SHOC2: variants seen among roughly 807,000 people sequenced by gnomAD.
The protein encoded by SHOC2 is SHOC2 leucine rich repeat scaffold protein.
In SHOC2, 4 loss-of-function variants were observed where a neutral mutation model predicts 50.2. That is an observed-to-expected ratio of 0.08 (90% CI 0.04 to 0.18). The LOEUF is 0.18. SHOC2 is among the 10% of genes least tolerant of loss of function. The pLI is 1.00. For missense variants in SHOC2, 388 were observed against 669.6 expected (o/e 0.58, Z 4.64); for synonymous variants, 218 against 244.5 (o/e 0.89, Z 1.01).
rs1370271355 is a variant in SHOC2, at chr10:110,946,307, T to C, written c.-234-17818T>C. Among the ~76,000 whole-genome samples, 5 of 150,978 alleles carry C rather than the reference T, an allele frequency of 3.3e-5. No homozygotes were observed. In the Admixed American group the frequency reaches 3.3e-4, roughly 10 times the overall value. On this transcript the variant is annotated intron_variant, in intron 1 of 8. Coordinates refer to ENST00000369452, the MANE Select transcript of SHOC2 (RefSeq NM_007373.4). Reference sequence around the variant, plus strand: ...AGAAGAAATTTATTCTAAAAAATTATGTCTAGATACATTAATTTGTTGTTT... The same window carrying C: ...AGAAGAAATTTATTCTAAAAAATTACGTCTAGATACATTAATTTGTTGTTT...
chr10:110,954,724 C>T (rs551526333), intron 1 of SHOC2, among the ~76,000 whole-genome samples: 2 of 152,100 alleles, frequency 1.3e-5, no homozygotes, highest in East Asian at 3.9e-4. Flanking sequence ...GAAAATAAAA[C>T]AGGATAGATG....
intron 1 of SHOC2, among the ~76,000 whole-genome samples, chr10:110,928,954 T>C (rs1385287551): frequency 1.3e-5 from 2 of 152,200 alleles, no homozygotes; most frequent in Non-Finnish European, 2.9e-5. Context: ...CCTTAATGCA[T>C]ATGAAAAAAC....
At chr10:110,974,972 T>G (rs2049074518) in intron 2 of SHOC2, among the ~76,000 whole-genome samples, 2 of 152,166 alleles carry the variant, frequency 1.3e-5, no homozygotes, top group African/African-American at 4.8e-5. Context: ...CAAAACCATT[T>G]TGGAAGATTT....
chr10:110,990,448 A>G (rs1376357825), intron 3 of SHOC2, among the ~76,000 whole-genome samples: 1 of 151,948 alleles, frequency 6.6e-6, no homozygotes, highest in Non-Finnish European at 1.5e-5. Flanking sequence ...TGCACCAATC[A>G]ACACTCTGTA....
chr10:110,919,485 A>G (rs1333901917), upstream of SHOC2: 1 of 382,148 alleles, frequency 2.6e-6, no homozygotes, highest in Non-Finnish European at 4.5e-6. Flanking sequence ...GGCCCACGGC[A>G]GAGGGGTGGG....
At chr10:110,936,802 C>T in intron 1 of SHOC2, 2 of 1,154,960 alleles carry the variant, frequency 1.7e-6, no homozygotes, top group Non-Finnish European at 2.6e-6. Flanking sequence ...TCCAGCCAAC[C>T]TCGTGAGCCA....
chr10:111,004,511 A>G, intron 4 of SHOC2, 95 bp from the exon 5 acceptor site: 1 of 863,246 alleles, frequency 1.2e-6, no homozygotes, highest in Non-Finnish European at 1.9e-6. Context: ...TCACCCCCCA[A>G]AGCCCTTTGA....
At chr10:110,946,816 T>A (rs544121955) in intron 1 of SHOC2, among the ~76,000 whole-genome samples, 125 of 152,274 alleles carry the variant, frequency 8.2e-4, no homozygotes, top group Middle Eastern at 3.4e-3. Context: ...GCTTGCCTTT[T>A]ATTTTGAAAG....
At chr10:110,943,917 C>T (rs931545178) in intron 1 of SHOC2, among the ~76,000 whole-genome samples, 3 of 152,154 alleles carry the variant, frequency 2.0e-5, no homozygotes, top group Non-Finnish European at 4.4e-5. Flanking sequence ...AATCTTTCAA[C>T]CAACTCTTTT....
intron 3 of SHOC2, among the ~76,000 whole-genome samples, chr10:110,994,997 C>T (rs1480870204): frequency 6.6e-6 from 1 of 151,944 alleles, no homozygotes; most frequent in Non-Finnish European, 1.5e-5. Context: ...CAATTATGTC[C>T]AATAAAGTCT....
intron 2 of SHOC2, among the ~76,000 whole-genome samples, chr10:110,982,976 A>G (rs1298402650): frequency 6.6e-6 from 1 of 152,130 alleles, no homozygotes; most frequent in African/African-American, 2.4e-5. Context: ...CTTTTTTGAA[A>G]AACTTCTTAG....
chr10:110,979,369 C>T (rs1161591196), intron 2 of SHOC2, among the ~76,000 whole-genome samples: 1 of 152,202 alleles, frequency 6.6e-6, no homozygotes, highest in Non-Finnish European at 1.5e-5. Context: ...ATGTGACATC[C>T]CATCACCTTT....
chr10:110,968,680 C>T (rs1847722235), intron 2 of SHOC2, among the ~76,000 whole-genome samples: 1 of 151,956 alleles, frequency 6.6e-6, no homozygotes, highest in South Asian at 2.1e-4. Flanking sequence ...ACTCACACCT[C>T]AAATCTCAAC....
chr10:111,010,646 C>T (rs767860425), intron 8 of SHOC2, among the ~76,000 whole-genome samples: 8 of 151,108 alleles, frequency 5.3e-5, no homozygotes, highest in Non-Finnish European at 1.0e-4. Flanking sequence ...CAAACCTGCA[C>T]GTTGTGTACA....
At chr10:110,935,146 G>T (rs921049813) in intron 1 of SHOC2, among the ~76,000 whole-genome samples, 2 of 152,000 alleles carry the variant, frequency 1.3e-5, no homozygotes, top group Admixed American at 1.3e-4. Context: ...TAACACTTAC[G>T]TAGTGCTTTG....
chr10:111,001,036 TTAGTA>T (rs1241539523), intron 4 of SHOC2, among the ~76,000 whole-genome samples: 6 of 150,322 alleles, frequency 4.0e-5, no homozygotes, highest in African/African-American at 7.3e-5. Flanking sequence ...TAAGGCCTAT[TTAGTA>T]TAGAACAATC....
chr10:110,921,446 C>T (rs1306989660), intron 1 of SHOC2, among the ~76,000 whole-genome samples: 2 of 152,100 alleles, frequency 1.3e-5, no homozygotes, highest in East Asian at 3.8e-4. Context: ...TAATATAAAG[C>T]CAACATATAA....
chr10:110,946,125 A>G (rs1488861860), intron 1 of SHOC2, among the ~76,000 whole-genome samples: 4 of 152,032 alleles, frequency 2.6e-5, no homozygotes, highest in Non-Finnish European at 5.9e-5. Context: ...GAATAGTATA[A>G]TCATGATATC....
intron 1 of SHOC2, among the ~76,000 whole-genome samples, chr10:110,932,265 A>G (rs762238360): frequency 6.6e-6 from 1 of 152,192 alleles, no homozygotes; most frequent in East Asian, 1.9e-4. Flanking sequence ...TCTTCAAGAC[A>G]TGTGAATTAT....
Sources: gnomAD v4.1 joint callset for allele counts (sites outside exome capture counted in the v4.1 genomes callset) on GRCh38, gnomAD v4.1.1 for gene constraint, MANE v1.5 for transcripts, NCBI Gene and HGNC (gene_info 2026-07-23, HGNC 2026-07-21) for gene names.